Variants in DIPK1A observed in about 807,000 individuals in gnomAD.
DIPK1A encodes the protein divergent protein kinase domain 1A, also known as family with sequence similarity 69 member A.
In DIPK1A, 27 loss-of-function variants were observed where a neutral mutation model predicts 40.8. The observed-to-expected ratio is 0.66, with a 90% CI of 0.49 to 0.91. The LOEUF (loss-of-function observed/expected upper bound fraction) is 0.91, where lower values mean the gene tolerates loss of function less well. Among genes scored for constraint, DIPK1A ranks in the 40% least tolerant of loss-of-function variants. The pLI is 0.00. For synonymous variants in DIPK1A, 166 were observed against 171.3 expected (o/e 0.97, Z 0.24); for missense variants, 412 against 505.7 (o/e 0.81, Z 1.78).
At chr1:92,851,704 T>C (rs1355689979) in intron 2 of DIPK1A, among the ~76,000 whole-genome samples, 2 of 152,014 alleles carry the variant, frequency 1.3e-5, no homozygotes, top group African/African-American at 4.8e-5. Flanking sequence ...AATGAAACCC[T>C]AGGCACAATA....
chr1:92,924,594 T>C (rs1168573635), intron 1 of DIPK1A, among the ~76,000 whole-genome samples: 1 of 152,230 alleles, frequency 6.6e-6, no homozygotes, highest in Non-Finnish European at 1.5e-5. Context: ...TCCGTATTTC[T>C]AGGCAAAAGA....
In DIPK1A at chr1:92,847,199, A is replaced by G; in HGVS notation, c.458T>C (p.Val153Ala). 1 of 1,568,084 alleles carries G rather than the reference A, an allele frequency of 6.4e-7. No homozygotes were observed. Among genetic ancestry groups the G allele is most frequent in the Non-Finnish European group, 8.7e-7 (1 of 1,155,382 alleles). The change falls in exon 4 of 5, where the codon GTC (valine) becomes GCC (alanine). Residue 153 changes from valine (V) to alanine (A), a missense_variant. Transcript: ENST00000370310. ...TATGCTTACCTTAAAGAGACTATAG[A>G]CCATTTCTTTAAATTTTTGTACAGT... ...GTTVQKFKEM[V>A]YSLFKAKLGD...
intron 4 of DIPK1A, chr1:92,833,092 CAAT>C (rs1353666684): frequency 2.1e-5 from 15 of 706,884 alleles, no homozygotes; most frequent in Admixed American, 4.0e-5. Flanking sequence ...AGCAATATAA[CAAT>C]AATTTTATAC....
chr1:92,943,543 T>G (rs906362797), intron 1 of DIPK1A, among the ~76,000 whole-genome samples: 1 of 151,320 alleles, frequency 6.6e-6, no homozygotes, highest in African/African-American at 2.4e-5. Flanking sequence ...ACAGAGATCA[T>G]AGGCAGCCTA....
chr1:92,835,133 A>C lies in DIPK1A; in HGVS notation c.475-2099T>G, dbSNP rs987780520. ...TAATTTGCTGTCCAGTGGTTTTGCC[A>C]CTAGCGACCTGCAGCTGTTGAGTTC... On this transcript the variant is annotated intron_variant, in intron 4 of 4. Transcript: ENST00000615519. 4.9e-6 allele frequency: 3 copies of C among 614,630 alleles called. No homozygotes were observed. In the Admixed American group the frequency reaches 8.3e-5, roughly 17 times the overall value. The allele number at this position is 614,630 out of a possible 1,614,324, so 38.1% of individuals were successfully genotyped here. A position where few individuals can be genotyped will look rare whatever the true frequency, so the allele number is the denominator to read the frequency against.
chr1:92,850,945 T>C lies in DIPK1A; in HGVS notation c.200A>G (p.Tyr67Cys). The C allele has an allele frequency of 6.4e-7, 1 of 1,561,066 alleles. No homozygotes were observed. Among genetic ancestry groups the C allele is most frequent in the Non-Finnish European group, 8.7e-7 (1 of 1,151,786 alleles). ...AGGCCCATCAATAACTCCAGTCTTG[T>C]ACTTGTCACACTAAAAACCAGGAAA... is the stretch of plus-strand genomic sequence containing the variant. ...KDCKKIICDK[Y>C]KTGVIDGPAC... Residue 67 changes from tyrosine to cysteine, a missense_variant, in exon 3 of 5, where the codon TAC (tyrosine) becomes TGC (cysteine). Transcript: ENST00000370310.
chr1:92,837,386 C>G (rs776845472), downstream of DIPK1A: 3 of 1,345,532 alleles, frequency 2.2e-6, no homozygotes, highest in South Asian at 3.5e-5. Flanking sequence ...ATGGCAGCTA[C>G]TAAAGTAAAT....
At chr1:92,917,635 A>G (rs963323567) in intron 1 of DIPK1A, among the ~76,000 whole-genome samples, 2 of 152,222 alleles carry the variant, frequency 1.3e-5, no homozygotes, top group African/African-American at 4.8e-5. Context: ...AATTTACATA[A>G]GTGTAAAATG....
At chr1:92,918,733 C>T (rs768949340) in intron 1 of DIPK1A, among the ~76,000 whole-genome samples, 1 of 152,100 alleles carries the variant, frequency 6.6e-6, no homozygotes, top group Non-Finnish European at 1.5e-5. Context: ...TTTTTCACAT[C>T]AGGGACGGGT....
intron 1 of DIPK1A, among the ~76,000 whole-genome samples, chr1:92,880,969 A>G (rs1323859896): frequency 6.6e-6 from 1 of 151,908 alleles, no homozygotes; most frequent in East Asian, 1.9e-4. Context: ...AGGCAGGCGG[A>G]TCATGAGGTC....
chr1:92,897,071 T>A lies in DIPK1A; in HGVS notation c.55-20641A>T, dbSNP rs527363426. Among the ~76,000 whole-genome samples, 458 of 152,062 alleles carry A rather than the reference T, an allele frequency of 3.0e-3. 2 individuals are homozygous for A. The highest frequency in any genetic ancestry group is 0.01 in the African/African-American group (425 of 41,534). On this transcript the variant is annotated intron_variant, in intron 1 of 4. Transcript: ENST00000370310. ...CACTGTTGGTGGGACTGTAAACTAG[T>A]TCAACCATTGTGGAAGTCAGTGTGG...
intron 1 of DIPK1A, among the ~76,000 whole-genome samples, chr1:92,897,632 T>C (rs906839757): frequency 2.0e-5 from 3 of 149,086 alleles, no homozygotes; most frequent in African/African-American, 7.5e-5. Context: ...GTTGTGCACA[T>C]GTACCCTAAA....
chr1:92,897,432 C>T (rs4847223), intron 1 of DIPK1A, among the ~76,000 whole-genome samples: 103,714 of 151,458 alleles, frequency 0.68, 35,997 homozygotes, highest in East Asian at 0.95. Flanking sequence ...CGCATGTTCA[C>T]ACTCATAGGT....
intron 1 of DIPK1A, among the ~76,000 whole-genome samples, chr1:92,959,336 G>A (rs1651966552): frequency 6.6e-6 from 1 of 152,038 alleles, no homozygotes; most frequent in Admixed American, 6.6e-5. Flanking sequence ...TTGGAAGAGG[G>A]AGTGGGGGAG....
intron 1 of DIPK1A, among the ~76,000 whole-genome samples, chr1:92,902,126 C>T (rs1429070236): frequency 1.3e-5 from 2 of 152,146 alleles, no homozygotes; most frequent in African/African-American, 4.8e-5. Context: ...CCTTAGGTAC[C>T]GAGGTGTGTG....
chr1:92,882,260 C>T (rs1390682379), intron 1 of DIPK1A, among the ~76,000 whole-genome samples: 7 of 152,164 alleles, frequency 4.6e-5, no homozygotes, highest in African/African-American at 7.2e-5. Flanking sequence ...TGATGGCATG[C>T]GCCTGTAATC....
In DIPK1A at chr1:92,949,508, C is replaced by T. The variant is rs576860412; in HGVS notation, c.54+11868G>A. Among the ~76,000 whole-genome samples the T allele has an allele frequency of 4.6e-5, 7 of 152,174 alleles. No individual in the cohort carries two copies. In the South Asian group the frequency reaches 1.2e-3, roughly 27 times the overall value. ...GCCAGGTTGGTCTCGAACTTCTGAC[C>T]TCAGGTGATCTACCCACCTCGGCCT... On this transcript the variant is annotated intron_variant, in intron 1 of 4. Transcript: ENST00000370310.
chr1:92,879,482 A>G (rs943069438), intron 1 of DIPK1A, among the ~76,000 whole-genome samples: 2 of 152,212 alleles, frequency 1.3e-5, no homozygotes, highest in African/African-American at 4.8e-5. Context: ...ACTTGTCATG[A>G]CAAAGAATGC....
intron 2 of DIPK1A, among the ~76,000 whole-genome samples, chr1:92,855,849 G>A (rs954176191): frequency 2.0e-5 from 3 of 152,156 alleles, no homozygotes; most frequent in African/African-American, 7.2e-5. Flanking sequence ...GGAGGCTGAG[G>A]AGGGTGAATC....
Sources: allele counts gnomAD v4.1 joint callset (sites outside exome capture counted in the v4.1 genomes callset), GRCh38; gene constraint gnomAD v4.1.1; transcripts MANE v1.5; gene names NCBI Gene and HGNC (gene_info 2026-07-23, HGNC 2026-07-21).